COL4A1: variants seen among roughly 807,000 people sequenced by gnomAD.
COL4A1 encodes the protein collagen alpha-1(IV) chain.
In COL4A1, 40 loss-of-function variants were observed where a neutral mutation model predicts 216.6. The observed-to-expected ratio is 0.18, with a 90% CI of 0.14 to 0.24. The LOEUF (loss-of-function observed/expected upper bound fraction) is 0.24. COL4A1 is among the 10% of genes least tolerant of loss of function. The pLI is 1.00. For missense variants in COL4A1, 1,628 were observed against 2,196.8 expected (o/e 0.74, Z 5.18); for synonymous variants, 839 against 810.7 (o/e 1.03, Z -0.59).
At chr13:110,231,527 C>T (rs1271460557) in intron 2 of COL4A1, among the ~76,000 whole-genome samples, 8 of 152,160 alleles carry the variant, frequency 5.3e-5, no homozygotes, top group Admixed American at 1.3e-4. Flanking sequence ...TTCTCGCAGC[C>T]GTGCCTTCTC....
At chr13:110,235,635 G>A (rs1881281479) in intron 2 of COL4A1, among the ~76,000 whole-genome samples, 1 of 144,182 alleles carries the variant, frequency 6.9e-6, no homozygotes, top group Non-Finnish European at 1.5e-5. Flanking sequence ...CACCAGCCTG[G>A]GCGACAGAGT....
chr13:110,170,323 C>A (rs1235548638), intron 42 of COL4A1, among the ~76,000 whole-genome samples: 2 of 152,190 alleles, frequency 1.3e-5, no homozygotes. Context: ...CTTGTCCAAT[C>A]ATTTCCTTTC....
chr13:110,214,001 G>A lies in COL4A1; in HGVS notation c.159C>T (p.Leu53=). 2 of 1,614,034 alleles carry A rather than the reference G, an allele frequency of 1.2e-6. No individual in the cohort carries two copies. Among genetic ancestry groups the A allele is most frequent in the Admixed American group, 1.7e-5 (1 of 60,006 alleles). ...ACCCAATGACACCTTGTAACCCCGGGAGGCCTCTTTCACCCTACAGAAGAG... is the reference window on the plus strand; with the variant it reads ...ACCCAATGACACCTTGTAACCCCGGAAGGCCTCTTTCACCCTACAGAAGAG... The part of the protein sequence containing the change: ...GVKGQKGERG[L]PGLQGVIGFP... The change falls in exon 3 of 52, where the codon CTC becomes CTT. Residue 53 remains leucine, a synonymous_variant. Transcript: ENST00000375820.
In COL4A1 at chr13:110,186,563, G is replaced by C. The variant is rs1566358831; in HGVS notation, c.1729-10C>G. Reference sequence around the variant, plus strand: ...TCAATCCTACAGAACCCTGATGTGAGAAGAAGAAAAAGACACCGTTATCAG... The same window carrying C: ...TCAATCCTACAGAACCCTGATGTGACAAGAAGAAAAAGACACCGTTATCAG... On this transcript the variant is annotated splice_polypyrimidine_tract_variant and intron_variant, in intron 25 of 51. Coordinates refer to ENST00000375820, the MANE Select transcript of COL4A1 (RefSeq NM_001845.6). 1.2e-6 allele frequency: 2 copies of C among 1,613,856 alleles called. No individual in the cohort carries two copies. The highest frequency in any genetic ancestry group is 1.7e-6 in the Non-Finnish European group (2 of 1,179,974).
intron 29 of COL4A1, 148 bp from the exon 30 acceptor site, chr13:110,179,569 G>A: frequency 1.7e-6 from 2 of 1,145,340 alleles, no homozygotes; most frequent in Non-Finnish European, 2.5e-6. Flanking sequence ...CGTTTGCAAA[G>A]CTTCCTCATA....
chr13:110,241,325 A>G (rs1881558699), intron 2 of COL4A1, among the ~76,000 whole-genome samples: 1 of 152,230 alleles, frequency 6.6e-6, no homozygotes, highest in Non-Finnish European at 1.5e-5. Flanking sequence ...AGCAGGGCCA[A>G]CTTGGCTCCA....
At chr13:110,182,931 C>T in intron 28 of COL4A1, 62 bp downstream of exon 28, 1 of 1,480,510 alleles carries the variant, frequency 6.8e-7, no homozygotes, top group Non-Finnish European at 9.3e-7. Flanking sequence ...TGTCTACCAC[C>T]TCCTCTTTTC....
intron 39 of COL4A1, 126 bp from the exon 40 acceptor site, chr13:110,174,124 T>C: frequency 9.2e-7 from 1 of 1,082,950 alleles, no homozygotes; most frequent in Non-Finnish European, 1.4e-6. Flanking sequence ...CTGGTTTTCC[T>C]GAGGTCAGTT....
At chr13:110,209,929 T>A (rs886925268) in intron 10 of COL4A1, 51 bp downstream of exon 10, 5 of 1,565,956 alleles carry the variant, frequency 3.2e-6, no homozygotes, top group African/African-American at 2.7e-5. Context: ...CAAACCTCAA[T>A]ATAGTTGTTT....
intron 2 of COL4A1, among the ~76,000 whole-genome samples, chr13:110,232,477 G>A (rs944019830): frequency 2.0e-5 from 3 of 152,140 alleles, no homozygotes; most frequent in African/African-American, 4.8e-5. Context: ...CAACAAACAG[G>A]AGGAAAATCC....
chr13:110,299,559 C>A (rs1322781080), intron 1 of COL4A1, among the ~76,000 whole-genome samples: 2 of 152,226 alleles, frequency 1.3e-5, no homozygotes, highest in African/African-American at 4.8e-5. Context: ...AGGAAAGCAA[C>A]TGCCCTCATC....
chr13:110,235,318 T>C (rs1881260607), intron 2 of COL4A1, among the ~76,000 whole-genome samples: 1 of 152,160 alleles, frequency 6.6e-6, no homozygotes, highest in Admixed American at 6.5e-5. Flanking sequence ...ATATAATTTA[T>C]AGGAAAAATT....
At chr13:110,176,087 G>T (rs1016202579) in intron 36 of COL4A1, among the ~76,000 whole-genome samples, 3 of 152,246 alleles carry the variant, frequency 2.0e-5, no homozygotes, top group African/African-American at 7.2e-5. Context: ...GGAGCCATAA[G>T]CTACTCAGGC....
chr13:110,264,889 G>C (rs1280779182), intron 1 of COL4A1, among the ~76,000 whole-genome samples: 2 of 152,192 alleles, frequency 1.3e-5, no homozygotes, highest in Non-Finnish European at 2.9e-5. Flanking sequence ...GTGATCCCAG[G>C]GCATTAGGCT....
At chr13:110,221,329 A>G (rs1459417550) in intron 2 of COL4A1, among the ~76,000 whole-genome samples, 1 of 152,248 alleles carries the variant, frequency 6.6e-6, no homozygotes, top group Admixed American at 6.5e-5. Context: ...TCAGCTTAAA[A>G]GAAAAAAATG....
At chr13:110,216,157 G>C (rs916149381) in intron 2 of COL4A1, among the ~76,000 whole-genome samples, 1 of 152,260 alleles carries the variant, frequency 6.6e-6, no homozygotes, top group Admixed American at 6.5e-5. Context: ...CGAGGGCCCT[G>C]ATCCCAAGGT....
rs367872746 is a variant in COL4A1 at position 110,211,253 on chromosome 13, G to A, written c.468+394C>T. On this transcript the variant is annotated intron_variant, in intron 8 of 51. Coordinates refer to ENST00000375820, the MANE Select transcript of COL4A1 (RefSeq NM_001845.6). The surrounding 1 kb of genome is among the most constrained non-coding windows in gnomAD (Gnocchi z 4.3). ...TTACATGACTGCACAGTCTGAGGTCGGGCTGATGCCAGCAGCCGAGCCCCA... is the reference window on the plus strand; with the variant it reads ...TTACATGACTGCACAGTCTGAGGTCAGGCTGATGCCAGCAGCCGAGCCCCA... Among the ~76,000 whole-genome samples the A allele has an allele frequency of 7.2e-5, 11 of 152,224 alleles. No individual in the cohort carries two copies. The East Asian group carries it at 1.7e-3, about 24-fold the overall frequency.
At chr13:110,301,474 C>G (rs1884490944) in intron 1 of COL4A1, among the ~76,000 whole-genome samples, 1 of 152,230 alleles carries the variant, frequency 6.6e-6, no homozygotes, top group Non-Finnish European at 1.5e-5. Context: ...TGCACATGCT[C>G]TCCCTAGACA....
At chr13:110,198,362 A>C in intron 21 of COL4A1, 105 bp downstream of exon 21, 5 of 1,260,152 alleles carry the variant, frequency 4.0e-6, no homozygotes, top group Non-Finnish European at 5.7e-6. Context: ...ACGCCTTTCT[A>C]TTACACTCTG....
Sources: gnomAD v4.1 joint callset for allele counts (sites outside exome capture counted in the v4.1 genomes callset) on GRCh38, gnomAD v4.1.1 for gene constraint, Gnocchi (gnomAD v3.1) non-coding constraint, MANE v1.5 for transcripts, NCBI Gene and HGNC (gene_info 2026-07-23, HGNC 2026-07-21) for gene names.